The following RABGAP1 variants were observed in gnomAD, a reference collection of about 807,000 sequenced individuals.
RABGAP1 encodes rab GTPase-activating protein 1.
A neutral mutation model predicts 137.6 loss-of-function variants in RABGAP1; 23 were observed. The observed-to-expected ratio is 0.17, with a 90% CI of 0.12 to 0.24. RABGAP1 has a LOEUF of 0.24. Ranked by LOEUF, RABGAP1 falls within the 10% of genes least tolerant of loss-of-function variation. The pLI is 1.00. For synonymous variants in RABGAP1, 451 were observed against 450.7 expected (o/e 1.00, Z -0.01); for missense variants, 906 against 1,275.8 (o/e 0.71, Z 4.42).
At position 122,984,574 on chromosome 9, in the gene RABGAP1, G is replaced by A. The variant is rs754516225; in HGVS notation, c.240G>A (p.Lys80=). 8.7e-6 allele frequency: 14 copies of A among 1,614,174 alleles called. No homozygotes were observed. The South Asian group carries it at 1.5e-4, about 18-fold the overall frequency. ...CAATGGACGACCAGCCAGGGGAAAA[G>A]GAGCTTGTGAAAAGGTCACAACTGG... is the stretch of plus-strand genomic sequence containing the variant. ...DPPMDDQPGE[K]ELVKRSQLDG... Residue 80 remains lysine, a synonymous_variant, in exon 3 of 26, where the codon AAG becomes AAA. Transcript: ENST00000373647.
At chr9:123,102,487 G>A (rs972500080) in intron 25 of RABGAP1, among the ~76,000 whole-genome samples, 2 of 152,178 alleles carry the variant, frequency 1.3e-5, no homozygotes, top group African/African-American at 4.8e-5. Flanking sequence ...CTAAGGCCTG[G>A]TAGTGTGACT....
At chr9:122,962,622 A>G (rs1834909588) in intron 2 of RABGAP1, among the ~76,000 whole-genome samples, 1 of 152,196 alleles carries the variant, frequency 6.6e-6, no homozygotes, top group Non-Finnish European at 1.5e-5. Flanking sequence ...AGAAATGTAA[A>G]TGCTATATTA....
intron 19 of RABGAP1, among the ~76,000 whole-genome samples, chr9:123,083,947 TCAG>T (rs369681124): frequency 5.3e-5 from 8 of 152,224 alleles, no homozygotes; most frequent in African/African-American, 1.9e-4. Context: ...TCTTATGTGT[TCAG>T]CACTGAGCAG....
chr9:122,979,978 GTAGTTGC>G (rs2131725251), intron 2 of RABGAP1, among the ~76,000 whole-genome samples: 1 of 152,358 alleles, frequency 6.6e-6, no homozygotes, highest in East Asian at 1.9e-4. Context: ...CTGGAGATAA[GTAGTTGC>G]TAGTTGGTTT....
At chr9:123,013,627 C>T (rs551226751) in intron 11 of RABGAP1, among the ~76,000 whole-genome samples, 8 of 152,264 alleles carry the variant, frequency 5.3e-5, no homozygotes, top group African/African-American at 1.4e-4. Flanking sequence ...GCCACCGTGC[C>T]GGGCCTAGCC....
At chr9:123,077,806 T>C (rs1007709896) in intron 19 of RABGAP1, among the ~76,000 whole-genome samples, 1 of 152,050 alleles carries the variant, frequency 6.6e-6, no homozygotes, top group African/African-American at 2.4e-5. Context: ...CTCACTTATT[T>C]AGGGCTCAGT....
intron 19 of RABGAP1, among the ~76,000 whole-genome samples, chr9:123,087,016 A>G (rs1243612531): frequency 6.6e-6 from 1 of 152,226 alleles, no homozygotes; most frequent in African/African-American, 2.4e-5. Context: ...ACATGGGAAA[A>G]ATGAAAAGAA....
chr9:122,939,805 A>C (rs1212569286), upstream of RABGAP1: 1 of 152,238 alleles, frequency 6.6e-6, no homozygotes, highest in Non-Finnish European at 1.5e-5. Context: ...GTACACCCAC[A>C]TCTATTGTAT....
chr9:123,009,163 T>G (rs968306721), intron 10 of RABGAP1, among the ~76,000 whole-genome samples: 1 of 152,230 alleles, frequency 6.6e-6, no homozygotes, highest in Non-Finnish European at 1.5e-5. Context: ...CTGGCTGCTT[T>G]TGCACTATAA....
At chr9:122,947,932 G>A (rs1588151802) in intron 1 of RABGAP1, among the ~76,000 whole-genome samples, 1 of 152,198 alleles carries the variant, frequency 6.6e-6, no homozygotes, top group East Asian at 1.9e-4. Flanking sequence ...TTATAAAGAA[G>A]GGATGGTGTT....
intron 11 of RABGAP1, among the ~76,000 whole-genome samples, chr9:123,014,564 T>C (rs1291959830): frequency 1.3e-5 from 2 of 152,130 alleles, no homozygotes; most frequent in East Asian, 3.8e-4. Flanking sequence ...TTTTATACCG[T>C]ATTTTGCCGT....
chr9:123,075,894 T>C (rs2034493516), intron 17 of RABGAP1, among the ~76,000 whole-genome samples: 1 of 152,168 alleles, frequency 6.6e-6, no homozygotes, highest in African/African-American at 2.4e-5. Flanking sequence ...TGTGCATGGA[T>C]TGGGACAGCA....
At chr9:123,035,128 G>T in intron 13 of RABGAP1, 1 of 1,613,654 alleles carries the variant, frequency 6.2e-7, no homozygotes, top group South Asian at 1.1e-5. Context: ...CTGGCACACC[G>T]ACTCCTACTT....
intron 24 of RABGAP1, among the ~76,000 whole-genome samples, chr9:123,099,991 A>T (rs533575900): frequency 6.6e-6 from 1 of 151,180 alleles, no homozygotes; most frequent in South Asian, 2.1e-4. Flanking sequence ...GTTTATTTTT[A>T]TTTTTTTTTA....
Position 123,070,216 on chromosome 9 carries a change from C to T in RABGAP1, c.1909-134C>T, listed in dbSNP as rs2034310647. On this transcript the variant is annotated intron_variant, in intron 14 of 25. Coordinates refer to ENST00000373647, the MANE Select transcript of RABGAP1 (RefSeq NM_012197.4). This position sits in a 1 kb window ranked among gnomAD's most constrained non-coding sequence, Gnocchi z 4.4. ...AGATTGGAGAGAAGTATTGGCACCA[C>T]TTACTGTCTGTCAAAATGCTGTCCC... 6.8e-7 allele frequency: 1 copy of T among 1,468,576 alleles called. No individual in the cohort carries two copies. Among genetic ancestry groups the T allele is most frequent in the Admixed American group, 2.3e-5 (1 of 43,576 alleles). The allele number at this position is 1,468,576 out of a possible 1,614,324, so 91.0% of individuals were successfully genotyped here. A position where few individuals can be genotyped will look rare whatever the true frequency, so the allele number is the denominator to read the frequency against.
chr9:123,038,664 A>T (rs777508049), intron 13 of RABGAP1, among the ~76,000 whole-genome samples: 1 of 152,054 alleles, frequency 6.6e-6, no homozygotes, highest in Non-Finnish European at 1.5e-5. Context: ...GATTTTTTGA[A>T]GTCCTCATAA....
At chr9:122,936,014 C>A (rs1833383147), upstream of RABGAP1, among the ~76,000 whole-genome samples, 1 of 151,952 alleles carries the variant, frequency 6.6e-6, no homozygotes, top group African/African-American at 2.4e-5. Flanking sequence ...AATCTTATTG[C>A]AATCCTTTGT....
At chr9:123,027,212 G>C (rs2032028913) in intron 13 of RABGAP1, among the ~76,000 whole-genome samples, 1 of 150,562 alleles carries the variant, frequency 6.6e-6, no homozygotes, top group Non-Finnish European at 1.5e-5. Context: ...CGCCTCCCAG[G>C]TTCAGTGATT....
the RABGAP1 span, among the ~76,000 whole-genome samples, chr9:122,934,405 T>C: frequency 2.6e-5 from 4 of 152,198 alleles, no homozygotes; most frequent in African/African-American, 9.7e-5. Flanking sequence ...AATCTATTTG[T>C]GTCTTTGGAT....
Sources: gnomAD v4.1 joint callset for allele counts (sites outside exome capture counted in the v4.1 genomes callset) on GRCh38, gnomAD v4.1.1 for gene constraint, Gnocchi (gnomAD v3.1) non-coding constraint, MANE v1.5 for transcripts, NCBI Gene and HGNC (gene_info 2026-07-23, HGNC 2026-07-21) for gene names.